The following CSRNP3 variants were observed in gnomAD, a reference collection of about 807,000 sequenced individuals.
CSRNP3 encodes the protein cysteine/serine-rich nuclear protein 3.
In CSRNP3, 12 loss-of-function variants were observed where a neutral mutation model predicts 48.0. That is an observed-to-expected ratio of 0.25 (90% CI 0.16 to 0.41). The LOEUF (loss-of-function observed/expected upper bound fraction) is 0.41, where lower values mean the gene tolerates loss of function less well. Among genes scored for constraint, CSRNP3 ranks in the 10% least tolerant of loss-of-function variants. CSRNP3 has a pLI of 1.00. For synonymous variants in CSRNP3, 263 were observed against 269.7 expected, an observed-to-expected ratio of 0.98 and a Z score of 0.24; for missense variants, 580 against 724.4, an observed-to-expected ratio of 0.80 and a Z score of 2.29.
At chr2:165,612,027 C>G (rs989912670) in intron 4 of CSRNP3, among the ~76,000 whole-genome samples, 2 of 152,016 alleles carry the variant, frequency 1.3e-5, no homozygotes, top group African/African-American at 4.8e-5. Context: ...CACATTTGCT[C>G]TTGCCTTTAT....
chr2:165,580,640 A>T (rs1685528422), intron 3 of CSRNP3, among the ~76,000 whole-genome samples: 1 of 152,158 alleles, frequency 6.6e-6, no homozygotes, highest in South Asian at 2.1e-4. Context: ...GTTTTTTTAA[A>T]GTCCCTTTTC....
chr2:165,558,952 G>A (rs899355839), intron 3 of CSRNP3, among the ~76,000 whole-genome samples: 4 of 152,044 alleles, frequency 2.6e-5, no homozygotes, highest in Non-Finnish European at 5.9e-5. Flanking sequence ...ACTCTAATGT[G>A]ACTGATGACA....
rs932432835 is a variant in CSRNP3 at position 165,684,963 on chromosome 2, G to C, written c.*5210G>C. The C allele has an allele frequency of 6.6e-6, 1 of 152,022 alleles. No individual in the cohort carries two copies. The highest frequency in any genetic ancestry group is 2.1e-4 in the South Asian group (1 of 4,830). The allele number at this position is 152,022 out of a possible 1,614,324, so 9.4% of individuals were successfully genotyped here. A position where few individuals can be genotyped will look rare whatever the true frequency, so the allele number is the denominator to read the frequency against. On this transcript the variant is annotated 3_prime_UTR_variant, in exon 7 of 7. Transcript: ENST00000651982. The stretch of plus-strand genomic sequence containing the variant: ...TGTGGACACCCTTTCAGCCCAGTTG[G>C]TGCTCACATCTGCTGACCAACATTC...
At chr2:165,594,011 C>G (rs1379538486) in intron 3 of CSRNP3, among the ~76,000 whole-genome samples, 2 of 152,062 alleles carry the variant, frequency 1.3e-5, no homozygotes, top group East Asian at 3.9e-4. Context: ...TAGGAAATTG[C>G]CTTCAGGTTA....
chr2:165,676,633 C>T lies in CSRNP3; in HGVS notation c.705+25C>T, dbSNP rs114829797. 2,254 of 1,601,760 alleles carry T rather than the reference C, an allele frequency of 1.4e-3. 28 individuals are homozygous for T. The African/African-American group carries it at 0.026, about 19-fold the overall frequency. The stretch of plus-strand genomic sequence containing the variant: ...GGTAAGGGTTGGGAATTCAGGGCAT[C>T]CAAAGACAAGACATTGTCTACCACC... On this transcript the variant is annotated intron_variant, in intron 6 of 6. Transcript: ENST00000651982.
chr2:165,639,545 A>G (rs1403669245), intron 4 of CSRNP3, among the ~76,000 whole-genome samples: 1 of 152,230 alleles, frequency 6.6e-6, no homozygotes, highest in East Asian at 1.9e-4. Context: ...TTTAAAGGGA[A>G]CAAGTCAAAA....
chr2:165,653,972 CAAAAAAAAAAAAAAAAAAAAAA>C (rs71028497), intron 4 of CSRNP3, among the ~76,000 whole-genome samples: 1,664 of 41,340 alleles, frequency 0.04, 62 homozygotes, highest in African/African-American at 0.12. Flanking sequence ...AGCTCTATCA[CAAAAAAAAAAAAAAAAAAAAAA>C]AAAAAAAAAA....
chr2:165,623,688 AC>A (rs1271884970), intron 4 of CSRNP3, among the ~76,000 whole-genome samples: 1 of 152,190 alleles, frequency 6.6e-6, no homozygotes. Flanking sequence ...TTACATACTG[AC>A]TTTTTAATAC....
intron 2 of CSRNP3, among the ~76,000 whole-genome samples, chr2:165,500,042 C>CA (rs112476718): frequency 0.028 from 3,322 of 119,926 alleles, 70 homozygotes; most frequent in African/African-American, 0.07. Context: ...TTAGCATCAC[C>CA]AAAAAAAAAA....
At chr2:165,566,013 A>G (rs536966186) in intron 3 of CSRNP3, among the ~76,000 whole-genome samples, 5 of 152,104 alleles carry the variant, frequency 3.3e-5, no homozygotes, top group East Asian at 1.9e-4. Flanking sequence ...AGAATCGTCT[A>G]TCTGGGTTCA....
rs1687595543 is a variant in CSRNP3, at chr2:165,684,379, AT to A, written c.*4627del. 1 of 152,084 alleles carries A rather than the reference AT, an allele frequency of 6.6e-6. No individual in the cohort carries two copies. The highest frequency in any genetic ancestry group is 6.6e-5 in the Admixed American group (1 of 15,244). The allele number at this position is 152,084 out of a possible 1,614,324, so 9.4% of individuals were successfully genotyped here. On this transcript the variant is annotated 3_prime_UTR_variant, in exon 7 of 7. Coordinates refer to ENST00000651982, the MANE Select transcript of CSRNP3 (RefSeq NM_001172173.2). ...AAACAACTCAATATTTCTCTTTAAA[AT>A]GGCATCTCTGTTCCTTATTCTCTTG...
intron 4 of CSRNP3, among the ~76,000 whole-genome samples, chr2:165,645,896 T>G (rs1279162293): frequency 6.6e-6 from 1 of 150,682 alleles, no homozygotes; most frequent in East Asian, 1.9e-4. Context: ...TGTTTTGTTT[T>G]GTGTTTTTTT....
intron 1 of CSRNP3, among the ~76,000 whole-genome samples, chr2:165,484,667 A>G (rs986936196): frequency 1.3e-5 from 2 of 152,192 alleles, no homozygotes; most frequent in African/African-American, 4.8e-5. Flanking sequence ...AAGAATGTTC[A>G]TAATAACTGT....
chr2:165,653,925 T>C (rs1686958523), intron 4 of CSRNP3, among the ~76,000 whole-genome samples: 1 of 117,542 alleles, frequency 8.5e-6, no homozygotes, highest in African/African-American at 3.3e-5. Context: ...TGAACCGAGA[T>C]CATGCCACTG....
intron 3 of CSRNP3, among the ~76,000 whole-genome samples, chr2:165,531,415 C>G (rs1314799343): frequency 2.0e-5 from 3 of 152,200 alleles, no homozygotes; most frequent in East Asian, 1.9e-4. Context: ...CTACTCTACA[C>G]AGCTTACAGG....
At chr2:165,662,909 GTTAC>G (rs1343217862) in intron 5 of CSRNP3, among the ~76,000 whole-genome samples, 1 of 151,994 alleles carries the variant, frequency 6.6e-6, no homozygotes, top group East Asian at 1.9e-4. Flanking sequence ...ATGTGTGGCT[GTTAC>G]TTGCCCTCCT....
intron 3 of CSRNP3, among the ~76,000 whole-genome samples, chr2:165,545,760 T>C (rs2105256043): frequency 6.6e-6 from 1 of 152,320 alleles, no homozygotes; most frequent in Non-Finnish European, 1.5e-5. Flanking sequence ...TTTCTTCCCT[T>C]TTATTTGTGT....
intron 4 of CSRNP3, among the ~76,000 whole-genome samples, chr2:165,620,942 C>T (rs886259131): frequency 6.6e-6 from 1 of 151,978 alleles, no homozygotes; most frequent in Non-Finnish European, 1.5e-5. Context: ...TGTGTTTTAT[C>T]CTTTATATAT....
intron 3 of CSRNP3, among the ~76,000 whole-genome samples, chr2:165,581,146 G>A (rs1341808116): frequency 6.6e-6 from 1 of 152,132 alleles, no homozygotes. Flanking sequence ...TTTCAAACTA[G>A]TGTATTCCAC....
Sources: allele counts gnomAD v4.1 joint callset (sites outside exome capture counted in the v4.1 genomes callset), GRCh38; gene constraint gnomAD v4.1.1; transcripts MANE v1.5; gene names NCBI Gene and HGNC (gene_info 2026-07-23, HGNC 2026-07-21).